Variants in PTPRG observed in about 807,000 individuals in gnomAD.
PTPRG encodes receptor-type tyrosine-protein phosphatase gamma.
In PTPRG, 102 loss-of-function variants were observed where a neutral mutation model predicts 165.3. That is an observed-to-expected ratio of 0.62 (90% confidence interval 0.53 to 0.73). PTPRG has a LOEUF of 0.73. Among genes scored for constraint, PTPRG ranks in the 30% least tolerant of loss-of-function variants. The pLI is 0.00. For missense variants in PTPRG, 1,866 were observed against 1,861.4 expected (o/e 1.00, Z -0.05); for synonymous variants, 675 against 669.5 (o/e 1.01, Z -0.13).
rs1240571060 is a variant in PTPRG, at chr3:62,295,891, A to AG, written c.*2587dup. ...TTTCCAGAGGCAGAGTTTCAAAGAC[A>AG]GGGTTTTCTTTGAGACATAAGCACA... On this transcript the variant is annotated 3_prime_UTR_variant, in exon 30 of 30. Coordinates refer to ENST00000474889, the MANE Select transcript of PTPRG (RefSeq NM_002841.4). 2 of 152,128 alleles carry AG rather than the reference A, an allele frequency of 1.3e-5. No homozygotes were observed. The highest frequency in any genetic ancestry group is 4.8e-5 in the African/African-American group (2 of 41,442). The allele number at this position is 152,128 out of a possible 1,614,324, so 9.4% of individuals were successfully genotyped here. A position where few individuals can be genotyped will look rare whatever the true frequency, so the allele number is the denominator to read the frequency against.
In PTPRG at chr3:61,940,178, G is replaced by A. The variant is rs141208779; in HGVS notation, c.191-49447G>A. Among the ~76,000 whole-genome samples the A allele has an allele frequency of 4.6e-3, 705 of 151,988 alleles. 5 individuals are homozygous for A. Among genetic ancestry groups the A allele is most frequent in the African/African-American group, 0.016 (671 of 41,464 alleles). On this transcript the variant is annotated intron_variant, in intron 2 of 29. Coordinates refer to ENST00000474889, the MANE Select transcript of PTPRG (RefSeq NM_002841.4). ...GCCAGGCTGGTCTCGAATTCCTGAC[G>A]TCAGGTGATCCACCTGCCTCGCTGG... is the stretch of plus-strand genomic sequence containing the variant.
chr3:61,794,411 C>T (rs945739021), intron 2 of PTPRG, among the ~76,000 whole-genome samples: 20 of 152,150 alleles, frequency 1.3e-4, no homozygotes, highest in African/African-American at 2.4e-5. Context: ...TTTTCTGACA[C>T]AATAGGTCAG....
At chr3:61,680,916 C>G (rs1703419516) in intron 1 of PTPRG, among the ~76,000 whole-genome samples, 1 of 76,326 alleles carries the variant, frequency 1.3e-5, no homozygotes, top group African/African-American at 3.8e-5. Context: ...ATGTGGGAGA[C>G]AGGAGCTGTA....
At chr3:61,959,172 T>G (rs151001650) in intron 2 of PTPRG, among the ~76,000 whole-genome samples, 72 of 152,300 alleles carry the variant, frequency 4.7e-4, no homozygotes, top group African/African-American at 1.5e-3. Flanking sequence ...ATATGACTAG[T>G]TATGTGTTCC....
chr3:62,111,205 T>A (rs1702655806), intron 5 of PTPRG, among the ~76,000 whole-genome samples: 2 of 152,300 alleles, frequency 1.3e-5, no homozygotes, highest in South Asian at 4.1e-4. Flanking sequence ...TGTAGAGAAG[T>A]TAAGTCAAAT....
intron 1 of PTPRG, among the ~76,000 whole-genome samples, chr3:61,692,043 T>G (rs555580984): frequency 6.6e-6 from 1 of 152,354 alleles, no homozygotes; most frequent in South Asian, 2.1e-4. Context: ...TTTATTAATT[T>G]TTGAGTACAT....
chr3:61,860,529 C>A (rs2037235084), intron 2 of PTPRG, among the ~76,000 whole-genome samples: 1 of 149,294 alleles, frequency 6.7e-6, no homozygotes, highest in Non-Finnish European at 1.5e-5. Context: ...CAACCTCTGC[C>A]TCCCAGGTTC....
chr3:61,701,390 G>A (rs2030947988), intron 1 of PTPRG, among the ~76,000 whole-genome samples: 1 of 152,062 alleles, frequency 6.6e-6, no homozygotes, highest in African/African-American at 2.4e-5. Flanking sequence ...CAGATCTCTG[G>A]TAGCTATGAG....
At chr3:61,580,315 G>C (rs1373200358) in intron 1 of PTPRG, among the ~76,000 whole-genome samples, 1 of 151,024 alleles carries the variant, frequency 6.6e-6, no homozygotes, top group African/African-American at 2.4e-5. Flanking sequence ...GTTATACTCA[G>C]ATTTTCGACC....
At chr3:62,266,723 G>A (rs767460703) in intron 17 of PTPRG, among the ~76,000 whole-genome samples, 3 of 150,524 alleles carry the variant, frequency 2.0e-5, no homozygotes, top group Non-Finnish European at 3.0e-5. Context: ...ATTGGGTTTT[G>A]CCCATTCTGT....
intron 5 of PTPRG, among the ~76,000 whole-genome samples, chr3:62,086,732 C>T (rs1431410206): frequency 6.6e-6 from 1 of 152,084 alleles, no homozygotes; most frequent in Non-Finnish European, 1.5e-5. Context: ...TCCAATTAAA[C>T]TATTTTAACA....
chr3:62,282,682 T>C (rs201970848), intron 27 of PTPRG, 45 bp from the exon 28 acceptor site: 40 of 1,563,194 alleles, frequency 2.6e-5, no homozygotes, highest in South Asian at 1.7e-4. Flanking sequence ...ATTGTAGATA[T>C]GTGAAATAAA....
rs1012999520 is a variant in PTPRG at position 62,254,376 on chromosome 3, A to G, written c.2468-748A>G. 1.3e-5 allele frequency among the ~76,000 whole-genome samples: 2 copies of G among 152,196 alleles called. No individual in the cohort carries two copies. Among genetic ancestry groups the G allele is most frequent in the Admixed American group, 1.3e-4 (2 of 15,280 alleles). ...TGTGGCTATTTTATAGCAGTACTCA[A>G]GTATCATGATAAATAAGCTTAAAAC... On this transcript the variant is annotated intron_variant, in intron 15 of 29. Transcript: ENST00000474889. The surrounding 1 kb of genome is among the most constrained non-coding windows in gnomAD (Gnocchi z 4.6).
intron 4 of PTPRG, among the ~76,000 whole-genome samples, chr3:62,056,022 G>C: frequency 6.6e-6 from 1 of 152,194 alleles, no homozygotes; most frequent in Non-Finnish European, 1.5e-5. Flanking sequence ...GCAGTAGAGA[G>C]AATTCAAATC....
intron 1 of PTPRG, among the ~76,000 whole-genome samples, chr3:61,741,164 T>C (rs922507959): frequency 1.6e-4 from 25 of 152,322 alleles, no homozygotes; most frequent in African/African-American, 6.0e-4. Context: ...TTAGAGAAAA[T>C]TGTGCTCAAT....
Position 62,224,274 on chromosome 3 carries a change from C to T in PTPRG, c.2288+5291C>T. The stretch of plus-strand genomic sequence containing the variant: ...TCATTGATGTTGCAGCAGACACACC[C>T]TAGAACCCCAGTGGCTTAATAACAC... On this transcript the variant is annotated intron_variant, in intron 13 of 29. Coordinates refer to ENST00000474889, the MANE Select transcript of PTPRG (RefSeq NM_002841.4). This position sits in a 1 kb window ranked among gnomAD's most constrained non-coding sequence, Gnocchi z 4.9. 6.6e-6 allele frequency among the ~76,000 whole-genome samples: 1 copy of T among 152,194 alleles called. No homozygotes were observed.
chr3:61,911,859 A>G (rs943807975), intron 2 of PTPRG, among the ~76,000 whole-genome samples: 1 of 152,194 alleles, frequency 6.6e-6, no homozygotes, highest in Non-Finnish European at 1.5e-5. Flanking sequence ...AGCTCTACCA[A>G]AAATTGAATT....
chr3:62,090,731 T>G (rs1162368102), intron 5 of PTPRG, among the ~76,000 whole-genome samples: 3 of 152,226 alleles, frequency 2.0e-5, no homozygotes, highest in African/African-American at 7.2e-5. Flanking sequence ...CCAAGCATTC[T>G]ATGTGCGTTA....
chr3:61,668,834 G>A (rs1043081172), intron 1 of PTPRG, among the ~76,000 whole-genome samples: 2 of 152,094 alleles, frequency 1.3e-5, no homozygotes, highest in Non-Finnish European at 2.9e-5. Flanking sequence ...TTACACTAAG[G>A]CTGTCATTTC....
Sources: allele counts gnomAD v4.1 joint callset (sites outside exome capture counted in the v4.1 genomes callset), GRCh38; gene constraint gnomAD v4.1.1; non-coding constraint Gnocchi (gnomAD v3.1); transcripts MANE v1.5; gene names NCBI Gene and HGNC (gene_info 2026-07-23, HGNC 2026-07-21).